Variants in TRPM3 observed in about 807,000 individuals in gnomAD.
TRPM3 encodes the protein transient receptor potential cation channel subfamily M member 3.
In TRPM3, 77 loss-of-function variants were observed where a neutral mutation model predicts 181.2. The ratio of observed to expected loss-of-function variants is 0.42; its 90% CI spans 0.35 to 0.51. The LOEUF (loss-of-function observed/expected upper bound fraction) is 0.51, where lower values mean the gene tolerates loss of function less well. Among genes scored for constraint, TRPM3 ranks in the 20% least tolerant of loss-of-function variants. TRPM3 has a pLI of 0.01. For missense variants in TRPM3, 1,759 were observed against 2,196.7 expected (o/e 0.80, Z 3.98); for synonymous variants, 745 against 796.4 (o/e 0.94, Z 1.09).
intron 1 of TRPM3, among the ~76,000 whole-genome samples, chr9:71,431,856 C>T (rs1298645832): frequency 6.6e-6 from 1 of 152,194 alleles, no homozygotes; most frequent in Non-Finnish European, 1.5e-5. Flanking sequence ...ACTTCATCTT[C>T]TCTCTGTCCA....
At chr9:70,815,510 C>T (rs62546000) in intron 6 of TRPM3, among the ~76,000 whole-genome samples, 4,543 of 152,244 alleles carry the variant, frequency 0.03, 92 homozygotes, top group Middle Eastern at 0.058. Context: ...TACATAATGA[C>T]ACTCAATATT....
intron 1 of TRPM3, among the ~76,000 whole-genome samples, chr9:70,960,572 T>A (rs908792636): frequency 6.6e-6 from 1 of 152,158 alleles, no homozygotes; most frequent in African/African-American, 2.4e-5. Flanking sequence ...AAGAGCGATG[T>A]TGTAGCAGGA....
intron 1 of TRPM3, among the ~76,000 whole-genome samples, chr9:71,362,640 A>G (rs763430864): frequency 5.9e-5 from 9 of 152,198 alleles, no homozygotes; most frequent in Non-Finnish European, 1.2e-4. Flanking sequence ...CCTCCATTTT[A>G]TATTATTTCC....
intron 8 of TRPM3, among the ~76,000 whole-genome samples, chr9:70,759,981 A>T (rs1280525637): frequency 2.6e-5 from 4 of 152,116 alleles, no homozygotes; most frequent in Non-Finnish European, 4.4e-5. Context: ...TTAAAAAATA[A>T]TTTTTTTAAA....
intron 3 of TRPM3, among the ~76,000 whole-genome samples, chr9:70,857,355 C>T (rs1457685767): frequency 6.6e-6 from 1 of 152,024 alleles, no homozygotes; most frequent in Admixed American, 6.6e-5. Flanking sequence ...GGGGGCTGGT[C>T]AAGCCTGGGA....
intron 21 of TRPM3, 108 bp downstream of exon 21, chr9:70,598,311 A>G: frequency 7.0e-7 from 1 of 1,424,438 alleles, no homozygotes; most frequent in Non-Finnish European, 9.6e-7. Context: ...CTCTAGGGCC[A>G]TCTCATTTAG....
chr9:70,542,178 G>T (rs1421202241), intron 25 of TRPM3, among the ~76,000 whole-genome samples: 1 of 152,098 alleles, frequency 6.6e-6, no homozygotes, highest in East Asian at 1.9e-4. Flanking sequence ...CAGGCCTGAG[G>T]TATATACCAA....
chr9:71,349,084 A>G (rs902730135), intron 1 of TRPM3, among the ~76,000 whole-genome samples: 3 of 152,158 alleles, frequency 2.0e-5, no homozygotes, highest in African/African-American at 7.2e-5. Context: ...CCTGGCTCAT[A>G]TTAGGGCTAG....
Position 70,537,412 on chromosome 9 carries a change from G to T in TRPM3, c.3708-7C>A. 6.9e-7 allele frequency: 1 copy of T among 1,441,098 alleles called. No individual in the cohort carries two copies. The highest frequency in any genetic ancestry group is 1.7e-5 in the South Asian group (1 of 59,798). 89.3% of individuals were successfully genotyped at this position (1,441,098 alleles called of 1,614,324 possible). ...CATAGACATGTTCTCCACCCTGCGC[G>T]AGGAAGAGAGAATGAGAGTCACTCG... is the stretch of plus-strand genomic sequence containing the variant. On this transcript the variant is annotated splice_region_variant and splice_polypyrimidine_tract_variant and intron_variant, in intron 25 of 25. Coordinates refer to ENST00000677713, the MANE Select transcript of TRPM3 (RefSeq NM_001366145.2).
intron 15 of TRPM3, 102 bp downstream of exon 15, chr9:70,621,142 A>G (rs900247062): frequency 3.8e-5 from 14 of 370,274 alleles, no homozygotes; most frequent in Non-Finnish European, 5.5e-5. Context: ...ATGTGTATAT[A>G]CACTATATAT....
chr9:71,188,323 A>G (rs1158563493), intron 1 of TRPM3, among the ~76,000 whole-genome samples: 3 of 151,838 alleles, frequency 2.0e-5, no homozygotes, highest in Admixed American at 6.6e-5. Flanking sequence ...GAGTAGGAAA[A>G]GGAAAATTTT....
intron 1 of TRPM3, among the ~76,000 whole-genome samples, chr9:71,178,591 G>A (rs1014162085): frequency 6.6e-6 from 1 of 152,054 alleles, no homozygotes; most frequent in Non-Finnish European, 1.5e-5. Context: ...TTCTACTGTG[G>A]AAACCTCTAG....
In TRPM3 at chr9:70,908,674, G is replaced by A. The variant is rs114529791; in HGVS notation, c.178-44163C>T. ...AATCCCAGGGAGAGATTCAAATGGC[G>A]GATGCAAGCTTGAAGACAAATTTGG... On this transcript the variant is annotated intron_variant, in intron 1 of 25. Transcript: ENST00000677713. 1.2e-4 allele frequency among the ~76,000 whole-genome samples: 19 copies of A among 152,286 alleles called. No individual in the cohort carries two copies. In the East Asian group the frequency reaches 2.3e-3, roughly 19 times the overall value.
At chr9:71,276,366 A>T (rs2084215495) in intron 1 of TRPM3, among the ~76,000 whole-genome samples, 2 of 152,206 alleles carry the variant, frequency 1.3e-5, no homozygotes, top group African/African-American at 4.8e-5. Flanking sequence ...AGATTGTATC[A>T]AAAACTTCTA....
intron 1 of TRPM3, among the ~76,000 whole-genome samples, chr9:71,431,197 G>C (rs934263433): frequency 1.3e-5 from 2 of 152,126 alleles, no homozygotes; most frequent in Non-Finnish European, 2.9e-5. Context: ...CACACAGAGA[G>C]AGAGAGAGCC....
intron 1 of TRPM3, among the ~76,000 whole-genome samples, chr9:71,383,684 T>A (rs1488051913): frequency 6.6e-6 from 1 of 152,208 alleles, no homozygotes; most frequent in Non-Finnish European, 1.5e-5. Context: ...TGCTTTTCCC[T>A]GCTTATAGTT....
intron 11 of TRPM3, among the ~76,000 whole-genome samples, chr9:70,636,366 C>T (rs1037735461): frequency 2.0e-5 from 3 of 150,904 alleles, no homozygotes; most frequent in Non-Finnish European, 2.9e-5. Flanking sequence ...TTTGCTGTAA[C>T]TTGATTTAAA....
At position 70,594,660 on chromosome 9, in the gene TRPM3, T is replaced by C. The variant is rs566401375; in HGVS notation, c.3049-3455A>G. On this transcript the variant is annotated intron_variant, in intron 21 of 25. Coordinates refer to ENST00000677713, the MANE Select transcript of TRPM3 (RefSeq NM_001366145.2). ...GCAGGCTTTCCATGCTGTGAGGCATTTGGTGTACTGGCTTCTTATATTATG... is the reference window on the plus strand; with the variant it reads ...GCAGGCTTTCCATGCTGTGAGGCATCTGGTGTACTGGCTTCTTATATTATG... Among the ~76,000 whole-genome samples, 89 of 152,240 alleles carry C rather than the reference T, an allele frequency of 5.8e-4. 2 individuals carry two copies. Among genetic ancestry groups the C allele is most frequent in the African/African-American group, 2.0e-3 (85 of 41,528 alleles).
At chr9:70,548,130 T>C (rs1252374721) in intron 25 of TRPM3, among the ~76,000 whole-genome samples, 3 of 152,202 alleles carry the variant, frequency 2.0e-5, no homozygotes, top group Non-Finnish European at 4.4e-5. Context: ...CAATGGGTAA[T>C]GTGTCCACAT....
Sources: gnomAD v4.1 joint callset for allele counts (sites outside exome capture counted in the v4.1 genomes callset) on GRCh38, gnomAD v4.1.1 for gene constraint, MANE v1.5 for transcripts, NCBI Gene and HGNC (gene_info 2026-07-23, HGNC 2026-07-21) for gene names.